The following RBBP8 variants were observed in gnomAD, a reference collection of about 807,000 sequenced individuals.
RBBP8 encodes the protein RB binding protein 8, endonuclease.
In RBBP8, 88 loss-of-function variants were observed where a neutral mutation model predicts 108.3. That is an observed-to-expected ratio of 0.81 (90% confidence interval 0.68 to 0.97). The LOEUF is 0.97. Among genes scored for constraint, RBBP8 ranks in the 50% least tolerant of loss-of-function variants. The pLI is 0.00. For synonymous variants in RBBP8, 332 were observed against 348.2 expected (o/e 0.95, Z 0.52); for missense variants, 1,023 against 1,049.0 (o/e 0.98, Z 0.34).
At chr18:23,015,819 G>A (rs2046246163) in intron 16 of RBBP8, among the ~76,000 whole-genome samples, 1 of 152,110 alleles carries the variant, frequency 6.6e-6, no homozygotes, top group African/African-American at 2.4e-5. Flanking sequence ...CTATGTGTCT[G>A]TTTTTATGCC....
At chr18:23,012,464 C>T (rs1342445562) in intron 16 of RBBP8, among the ~76,000 whole-genome samples, 1 of 152,148 alleles carries the variant, frequency 6.6e-6, no homozygotes, top group Non-Finnish European at 1.5e-5. Context: ...GAAAGTGAAA[C>T]AGACTCACTG....
chr18:22,995,764 T>G (rs2045845947), intron 12 of RBBP8, among the ~76,000 whole-genome samples: 1 of 152,240 alleles, frequency 6.6e-6, no homozygotes, highest in Non-Finnish European at 1.5e-5. Flanking sequence ...AATTTTTTAT[T>G]GCATAAGTAT....
chr18:22,994,676 G>A (rs1487742347), intron 12 of RBBP8, among the ~76,000 whole-genome samples: 1 of 149,618 alleles, frequency 6.7e-6, no homozygotes, highest in African/African-American at 2.4e-5. Context: ...AAAATTGTTT[G>A]CCTTAAGATA....
At chr18:23,025,917 TATATG>T (rs1318566768) in intron 18 of RBBP8, among the ~76,000 whole-genome samples, 2 of 152,208 alleles carry the variant, frequency 1.3e-5, no homozygotes, top group African/African-American at 4.8e-5. Context: ...GAATGTGAGT[TATATG>T]AGATGATATA....
chr18:23,015,615 C>A (rs1042949240), intron 16 of RBBP8, among the ~76,000 whole-genome samples: 1 of 151,474 alleles, frequency 6.6e-6, no homozygotes, highest in South Asian at 2.1e-4. Flanking sequence ...TTCTTTGACT[C>A]ATTTTGAGTT....
intron 14 of RBBP8, 121 bp downstream of exon 14, chr18:22,997,855 GTTAACT>G: frequency 1.4e-6 from 1 of 740,372 alleles, no homozygotes; most frequent in East Asian, 2.7e-5. Context: ...TTCCTGCTCT[GTTAACT>G]TTATGTTCCT....
intron 7 of RBBP8, among the ~76,000 whole-genome samples, chr18:22,983,272 G>A (rs1176423048): frequency 6.6e-6 from 1 of 152,134 alleles, no homozygotes; most frequent in African/African-American, 2.4e-5. Context: ...GGATATATAT[G>A]TACTACTATA....
intron 8 of RBBP8, among the ~76,000 whole-genome samples, chr18:22,987,773 G>A (rs1223459777): frequency 6.6e-6 from 1 of 152,132 alleles, no homozygotes; most frequent in African/African-American, 2.4e-5. Flanking sequence ...CTCTCTTCCT[G>A]GAGGAATGTC....
intron 8 of RBBP8, among the ~76,000 whole-genome samples, chr18:22,986,198 G>A (rs112816185): frequency 0.011 from 1,639 of 152,108 alleles, 39 homozygotes; most frequent in African/African-American, 0.038. Context: ...CAACAAAACA[G>A]AGAAGGAGCT....
At chr18:23,011,266 A>G (rs975607450) in intron 16 of RBBP8, among the ~76,000 whole-genome samples, 1 of 152,152 alleles carries the variant, frequency 6.6e-6, no homozygotes, top group African/African-American at 2.4e-5. Flanking sequence ...ACTGTTTTTT[A>G]CAAATTGAAG....
chr18:22,945,452 A>T (rs1260923835), intron 2 of RBBP8, among the ~76,000 whole-genome samples: 1 of 151,550 alleles, frequency 6.6e-6, no homozygotes, highest in East Asian at 1.9e-4. Context: ...CAATGGCGGG[A>T]TCTCAGCTCA....
At chr18:23,021,820 CTTT>C (rs397735746) in intron 17 of RBBP8, among the ~76,000 whole-genome samples, 1 of 141,154 alleles carries the variant, frequency 7.1e-6, no homozygotes, top group African/African-American at 2.6e-5. Flanking sequence ...GATCAGCTGG[CTTT>C]TTTTTTTTTT....
chr18:22,962,087 G>A (rs1215355706), intron 4 of RBBP8, among the ~76,000 whole-genome samples: 3 of 152,124 alleles, frequency 2.0e-5, no homozygotes, highest in Non-Finnish European at 4.4e-5. Flanking sequence ...TACTGTAATT[G>A]GAAAGTTTTC....
At chr18:22,945,477 T>C (rs954304429) in intron 2 of RBBP8, among the ~76,000 whole-genome samples, 15 of 152,058 alleles carry the variant, frequency 9.9e-5, no homozygotes, top group African/African-American at 3.4e-4. Context: ...AGCCTCTGCC[T>C]CCCGGGTTCA....
chr18:22,940,412 C>G (rs899700693), intron 2 of RBBP8, among the ~76,000 whole-genome samples: 2 of 150,568 alleles, frequency 1.3e-5, no homozygotes, highest in Non-Finnish European at 1.5e-5. Flanking sequence ...GCTCCACCTC[C>G]TGGATTCATG....
chr18:23,003,614 CTAGACATCT>C (rs2045984118), intron 15 of RBBP8, among the ~76,000 whole-genome samples: 1 of 152,160 alleles, frequency 6.6e-6, no homozygotes, highest in Admixed American at 6.6e-5. Flanking sequence ...CTATTTGAGT[CTAGACATCT>C]TAGGAGTCAA....
At chr18:22,959,923 G>A (rs1364421433) in intron 4 of RBBP8, among the ~76,000 whole-genome samples, 5 of 125,682 alleles carry the variant, frequency 4.0e-5, no homozygotes, top group African/African-American at 5.9e-5. Flanking sequence ...ACAGAGTCTC[G>A]CTCTGTCACA....
At position 23,006,433 on chromosome 18, in the gene RBBP8, G is replaced by A. The variant is rs1216528448; in HGVS notation, c.2357+1G>A. The A allele has an allele frequency of 1.2e-6, 2 of 1,610,912 alleles. No individual in the cohort carries two copies. Among genetic ancestry groups the A allele is most frequent in the South Asian group, 1.1e-5 (1 of 91,026 alleles). ...AGCCGTATTTTAAAGGTGATGAAAG[G>A]TAAGTTGGTTTTTATTTATACCAGC... On this transcript the variant is annotated splice_donor_variant, in intron 16 of 18. Transcript: ENST00000327155. LOFTEE classifies it high-confidence loss of function.
intron 17 of RBBP8, 86 bp downstream of exon 17, chr18:23,017,010 C>G: frequency 9.7e-7 from 1 of 1,026,968 alleles, no homozygotes; most frequent in Non-Finnish European, 1.5e-6. Flanking sequence ...GTATACAAAC[C>G]ATATTGGTTA....
Sources: gnomAD v4.1 joint callset for allele counts (sites outside exome capture counted in the v4.1 genomes callset) on GRCh38, gnomAD v4.1.1 for gene constraint, MANE v1.5 for transcripts, NCBI Gene and HGNC (gene_info 2026-07-23, HGNC 2026-07-21) for gene names.